RIMS1: variants seen among roughly 807,000 people sequenced by gnomAD.
RIMS1 encodes regulating synaptic membrane exocytosis protein 1.
Under a neutral mutation model 214.1 loss-of-function variants are expected in RIMS1, and 83 were observed. The ratio of observed to expected loss-of-function variants is 0.39; its 90% confidence interval spans 0.32 to 0.47. The LOEUF (loss-of-function observed/expected upper bound fraction) is 0.47, where lower values mean the gene tolerates loss of function less well. Among genes scored for constraint, RIMS1 ranks in the 20% least tolerant of loss-of-function variants. RIMS1 has a pLI of 0.99. For synonymous variants in RIMS1, 793 were observed against 786.8 expected (o/e 1.01, Z -0.13); for missense variants, 2,050 against 2,161.8 (o/e 0.95, Z 1.03).
chr6:72,135,407 A>G (rs1253979953), intron 4 of RIMS1, among the ~76,000 whole-genome samples: 2 of 152,188 alleles, frequency 1.3e-5, no homozygotes, highest in East Asian at 3.8e-4. Context: ...ATTTGAATTC[A>G]CCTCACCTCC....
intron 2 of RIMS1, among the ~76,000 whole-genome samples, chr6:72,091,209 C>T (rs779799998): frequency 1.8e-4 from 27 of 152,198 alleles, no homozygotes; most frequent in Non-Finnish European, 3.1e-4. Flanking sequence ...TCAGAACCTA[C>T]CACTTGGAGT....
chr6:72,138,526 C>A (rs533044369), intron 4 of RIMS1, among the ~76,000 whole-genome samples: 2 of 151,972 alleles, frequency 1.3e-5, no homozygotes, highest in Non-Finnish European at 2.9e-5. Context: ...TGTTTGTATA[C>A]GTTTGTATGA....
intron 1 of RIMS1, among the ~76,000 whole-genome samples, chr6:71,944,284 T>C (rs1787098793): frequency 6.6e-6 from 1 of 152,214 alleles, no homozygotes; most frequent in South Asian, 2.1e-4. Flanking sequence ...GAATGCTGTG[T>C]GCATAATTTT....
chr6:72,369,983 T>A (rs1045193610), intron 29 of RIMS1, among the ~76,000 whole-genome samples: 1 of 152,176 alleles, frequency 6.6e-6, no homozygotes, highest in African/African-American at 2.4e-5. Flanking sequence ...GCATCAAAGA[T>A]TAATTCTTGG....
chr6:72,363,926 AC>A (rs2097906964), intron 29 of RIMS1, among the ~76,000 whole-genome samples: 1 of 152,162 alleles, frequency 6.6e-6, no homozygotes, highest in Non-Finnish European at 1.5e-5. Context: ...AGGAAAGGCA[AC>A]CTCATCCCAC....
At chr6:72,387,341 G>C (rs1277785197) in intron 29 of RIMS1, among the ~76,000 whole-genome samples, 2 of 152,168 alleles carry the variant, frequency 1.3e-5, no homozygotes, top group Non-Finnish European at 2.9e-5. Context: ...AATAACTGGT[G>C]TTCTATGCAG....
rs201355521 is a variant in RIMS1 at position 72,265,029 on chromosome 6, C to T, written c.3171C>T (p.Ser1057=). 3.1e-4 allele frequency: 500 copies of T among 1,590,262 alleles called. 2 individuals carry two copies. The African/African-American group carries it at 5.4e-3, about 17-fold the overall frequency. Residue 1057 remains serine, a synonymous_variant, in exon 20 of 34, where the codon AGC becomes AGT. Transcript: ENST00000521978. Reference sequence around the variant, plus strand: ...CTCCCAAGATGCCTTTATTACAGAGCAGTTCTCACTGGAATATTTACAGGT... The same window carrying T: ...CTCCCAAGATGCCTTTATTACAGAGTAGTTCTCACTGGAATATTTACAGGT... ...TLPPKMPLLQ[S]SSHWNIYSSI...
At chr6:72,115,643 C>A (rs1198819778) in intron 4 of RIMS1, among the ~76,000 whole-genome samples, 1 of 151,812 alleles carries the variant, frequency 6.6e-6, no homozygotes, top group African/African-American at 2.4e-5. Flanking sequence ...GAAGCTAAAA[C>A]TTTGTAACAA....
intron 1 of RIMS1, among the ~76,000 whole-genome samples, chr6:71,936,306 G>A (rs1319815336): frequency 8.2e-6 from 1 of 122,532 alleles, no homozygotes; most frequent in East Asian, 2.2e-4. Flanking sequence ...CAGCCTGGGC[G>A]ACAGAGCGAG....
intron 27 of RIMS1, among the ~76,000 whole-genome samples, chr6:72,307,756 A>C (rs569190815): frequency 6.6e-6 from 1 of 152,294 alleles, no homozygotes; most frequent in East Asian, 1.9e-4. Context: ...AAAAAAACAA[A>C]AAAAGAAAAG....
At chr6:72,039,293 TA>T (rs1364240793) in intron 2 of RIMS1, among the ~76,000 whole-genome samples, 1 of 152,188 alleles carries the variant, frequency 6.6e-6, no homozygotes, top group Non-Finnish European at 1.5e-5. Flanking sequence ...GATTCTTATA[TA>T]TTTTTGGCAA....
At chr6:72,359,630 C>G (rs984941167) in intron 29 of RIMS1, among the ~76,000 whole-genome samples, 1 of 152,104 alleles carries the variant, frequency 6.6e-6, no homozygotes, top group Non-Finnish European at 1.5e-5. Flanking sequence ...ATAGAGTCAT[C>G]AAAACGTCCC....
intron 6 of RIMS1, among the ~76,000 whole-genome samples, chr6:72,196,709 G>A (rs543483828): frequency 2.0e-5 from 3 of 149,572 alleles, no homozygotes; most frequent in Admixed American, 6.8e-5. Context: ...ACTCATAAAA[G>A]TGATGAGAAA....
At chr6:72,014,748 C>T (rs534378218) in intron 2 of RIMS1, among the ~76,000 whole-genome samples, 1 of 152,124 alleles carries the variant, frequency 6.6e-6, no homozygotes, top group Non-Finnish European at 1.5e-5. Flanking sequence ...CACATCCTTG[C>T]CTTGTCATTA....
At chr6:72,205,727 G>C (rs760351783) in intron 6 of RIMS1, among the ~76,000 whole-genome samples, 3 of 151,966 alleles carry the variant, frequency 2.0e-5, no homozygotes, top group Non-Finnish European at 4.4e-5. Context: ...GAGTATCTTG[G>C]CATAATAAAT....
chr6:72,316,202 A>G (rs940624918), intron 28 of RIMS1, among the ~76,000 whole-genome samples: 19 of 152,082 alleles, frequency 1.2e-4, no homozygotes, highest in Admixed American at 6.5e-4. Flanking sequence ...CCTCCTTCCC[A>G]GACAGATGAG....
At chr6:71,920,029 C>A (rs1016831134) in intron 1 of RIMS1, among the ~76,000 whole-genome samples, 8 of 152,152 alleles carry the variant, frequency 5.3e-5, no homozygotes, top group Admixed American at 6.6e-5. Flanking sequence ...ACACCATAAA[C>A]ATGAGAATAT....
intron 29 of RIMS1, among the ~76,000 whole-genome samples, chr6:72,369,048 AG>A (rs1326427040): frequency 6.6e-5 from 10 of 150,592 alleles, no homozygotes; most frequent in Non-Finnish European, 1.3e-4. Context: ...GAGTAGGAAG[AG>A]GTAAATATGG....
intron 2 of RIMS1, among the ~76,000 whole-genome samples, chr6:72,056,722 A>G (rs1004447029): frequency 1.3e-5 from 2 of 152,184 alleles, no homozygotes; most frequent in African/African-American, 4.8e-5. Flanking sequence ...CTCAATCCTT[A>G]ATTTCAGTAT....
Sources: allele counts gnomAD v4.1 joint callset (sites outside exome capture counted in the v4.1 genomes callset), GRCh38; gene constraint gnomAD v4.1.1; transcripts MANE v1.5; gene names NCBI Gene and HGNC (gene_info 2026-07-23, HGNC 2026-07-21).